DNAH6: variants seen among roughly 807,000 people sequenced by gnomAD.
The protein encoded by DNAH6 is dynein axonemal heavy chain 6, also known as axonemal beta dynein heavy chain 6.
In DNAH6, 340 loss-of-function variants were observed where a neutral mutation model predicts 491.4. The observed-to-expected ratio is 0.69, with a 90% confidence interval of 0.63 to 0.76. The LOEUF is 0.76. Among genes scored for constraint, DNAH6 ranks in the 30% least tolerant of loss-of-function variants. DNAH6 has a pLI of 0.00. For synonymous variants in DNAH6, 1,603 were observed against 1,686.1 expected (o/e 0.95, Z 1.21); for missense variants, 4,443 against 4,972.2 (o/e 0.89, Z 3.20).
intron 9 of DNAH6, among the ~76,000 whole-genome samples, 173 bp downstream of exon 9, chr2:84,550,230 T>C (rs1207239096): frequency 9.2e-5 from 14 of 152,188 alleles, no homozygotes; most frequent in Admixed American, 9.2e-4. Context: ...AGATAATTTT[T>C]TCTGCAGACT....
intron 23 of DNAH6, among the ~76,000 whole-genome samples, chr2:84,617,267 T>C (rs1686946227): frequency 1.3e-5 from 2 of 152,102 alleles, no homozygotes; most frequent in East Asian, 1.9e-4. Flanking sequence ...ATAACATGTT[T>C]TGACATAGGC....
intron 63 of DNAH6, among the ~76,000 whole-genome samples, chr2:84,752,128 A>C (rs933169294): frequency 1.3e-5 from 2 of 152,230 alleles, no homozygotes; most frequent in African/African-American, 4.8e-5. Context: ...TTCTCTGTTG[A>C]AAACCATAGA....
intron 18 of DNAH6, among the ~76,000 whole-genome samples, chr2:84,601,024 A>AAC (rs1685169208): frequency 6.8e-6 from 1 of 147,244 alleles, no homozygotes; most frequent in African/African-American, 2.5e-5. Flanking sequence ...TTATAATAAT[A>AAC]ATGTTATTAT....
At chr2:84,530,513 C>T (rs58335010) in intron 4 of DNAH6, among the ~76,000 whole-genome samples, 6,113 of 152,196 alleles carry the variant, frequency 0.04, 418 homozygotes, top group African/African-American at 0.14. Flanking sequence ...AAGGATATAT[C>T]GTGCAAGACC....
At chr2:84,581,778 T>C (rs1683057776) in intron 14 of DNAH6, among the ~76,000 whole-genome samples, 1 of 152,156 alleles carries the variant, frequency 6.6e-6, no homozygotes, top group Non-Finnish European at 1.5e-5. Context: ...ATAAATTAAT[T>C]ATAAAGATGT....
At position 84,539,581 on chromosome 2, in the gene DNAH6, C is replaced by G. The variant is rs1351673342; in HGVS notation, c.663-4652C>G. Among the ~76,000 whole-genome samples, 9 of 152,176 alleles carry G rather than the reference C, an allele frequency of 5.9e-5. No homozygotes were observed. The East Asian group carries it at 1.7e-3, about 29-fold the overall frequency. ...TCAATTAGAGTTATGCATCATGGAC[C>G]TACAGCAGCATTTCTCAAGCCCTAA... On this transcript the variant is annotated intron_variant, in intron 4 of 76. Coordinates refer to ENST00000389394, the MANE Select transcript of DNAH6 (RefSeq NM_001370.2).
chr2:84,502,131 G>T, the DNAH6 span, among the ~76,000 whole-genome samples: 1 of 151,960 alleles, frequency 6.6e-6, no homozygotes, highest in East Asian at 1.9e-4. Context: ...TTTATTTGAA[G>T]TTCTTCTTTT....
intron 59 of DNAH6, 51 bp downstream of exon 59, chr2:84,718,435 A>G (rs1004959671): frequency 5.1e-5 from 72 of 1,415,674 alleles, no homozygotes; most frequent in East Asian, 5.1e-4. Flanking sequence ...TTCAAAAGTT[A>G]TAACTACAGC....
At position 84,819,390 on chromosome 2, in the gene DNAH6, C is replaced by T; in HGVS notation, c.12459C>T (p.Leu4153=). The change falls in exon 77 of 77, where the codon CTC becomes CTT. Residue 4153 remains leucine, a synonymous_variant. Transcript: ENST00000389394. The stretch of plus-strand genomic sequence containing the variant: ...GGATTGCCAAGGGATCAGCTTTGCT[C>T]TGCCAGCTGAGCGAATGAAAAGGTG... ...DYWIAKGSAL[L]CQLSE The T allele has an allele frequency of 1.3e-6, 2 of 1,550,984 alleles. No individual in the cohort carries two copies. Among genetic ancestry groups the T allele is most frequent in the South Asian group, 2.4e-5 (2 of 83,914 alleles).
In DNAH6 at chr2:84,543,538, T is replaced by A. The variant is rs113796442; in HGVS notation, c.663-695T>A. ...GCATTATAGCTAAAATTACAGAGAA[T>A]ATCGTTTTGCTGTAGGAAAAATTTT... On this transcript the variant is annotated intron_variant, in intron 4 of 76. Transcript: ENST00000389394. 2.4e-3 allele frequency among the ~76,000 whole-genome samples: 370 copies of A among 152,340 alleles called. 1 individual carries two copies. The highest frequency in any genetic ancestry group is 0.014 in the Middle Eastern group (4 of 294).
chr2:84,514,668 C>G (rs1456228774), upstream of DNAH6, among the ~76,000 whole-genome samples: 3 of 152,014 alleles, frequency 2.0e-5, no homozygotes, highest in African/African-American at 7.2e-5. Flanking sequence ...TAACAATTAT[C>G]TATAAGAACT....
chr2:84,585,055 C>T (rs573532205), intron 15 of DNAH6, among the ~76,000 whole-genome samples: 1 of 152,208 alleles, frequency 6.6e-6, no homozygotes, highest in East Asian at 1.9e-4. Flanking sequence ...CATGTATTAA[C>T]GTGGAAATGT....
At chr2:84,632,008 T>G (rs899218238) in intron 29 of DNAH6, among the ~76,000 whole-genome samples, 2 of 152,198 alleles carry the variant, frequency 1.3e-5, no homozygotes, top group Non-Finnish European at 2.9e-5. Context: ...TTGGAACAAG[T>G]GGTAAACCCA....
intron 70 of DNAH6, among the ~76,000 whole-genome samples, chr2:84,799,746 C>T (rs1002957602): frequency 4.6e-5 from 7 of 152,192 alleles, no homozygotes; most frequent in Non-Finnish European, 1.0e-4. Flanking sequence ...ACCAAAGCCC[C>T]ACTTGGGAAA....
At chr2:84,535,923 A>G (rs1677649656) in intron 4 of DNAH6, among the ~76,000 whole-genome samples, 1 of 152,004 alleles carries the variant, frequency 6.6e-6, no homozygotes, top group Admixed American at 6.6e-5. Flanking sequence ...ATTCAAGGCA[A>G]ATGAGGTATT....
chr2:84,629,355 A>G (rs901996502), intron 29 of DNAH6, among the ~76,000 whole-genome samples: 1 of 152,152 alleles, frequency 6.6e-6, no homozygotes, highest in Non-Finnish European at 1.5e-5. Flanking sequence ...TGATTGTGGT[A>G]ATTTATACTC....
At chr2:84,798,153 G>A (rs945769889) in intron 70 of DNAH6, among the ~76,000 whole-genome samples, 1 of 152,158 alleles carries the variant, frequency 6.6e-6, no homozygotes, top group Non-Finnish European at 1.5e-5. Flanking sequence ...GAGCAAACTG[G>A]GTTGTTTTAC....
At chr2:84,580,912 C>A (rs1241968834) in intron 14 of DNAH6, among the ~76,000 whole-genome samples, 1 of 152,110 alleles carries the variant, frequency 6.6e-6, no homozygotes, top group Admixed American at 6.5e-5. Context: ...CCCCAGTAGT[C>A]CTTCCTTCCA....
chr2:84,649,809 T>C (rs1250292815), intron 33 of DNAH6, among the ~76,000 whole-genome samples: 1 of 152,098 alleles, frequency 6.6e-6, no homozygotes, highest in East Asian at 1.9e-4. Context: ...AAACACCACA[T>C]GTTCCCACTT....
Sources: allele counts gnomAD v4.1 joint callset (sites outside exome capture counted in the v4.1 genomes callset), GRCh38; gene constraint gnomAD v4.1.1; transcripts MANE v1.5; gene names NCBI Gene and HGNC (gene_info 2026-07-23, HGNC 2026-07-21).